MAP4K3: variants seen among roughly 807,000 people sequenced by gnomAD.
MAP4K3 encodes MAPK/ERK kinase kinase kinase 3.
In MAP4K3, 94 loss-of-function variants were observed where a neutral mutation model predicts 143.5. The ratio of observed to expected loss-of-function variants is 0.65; its 90% CI spans 0.55 to 0.78. The LOEUF is 0.78. Among genes scored for constraint, MAP4K3 ranks in the 30% least tolerant of loss-of-function variants. MAP4K3 has a pLI of 0.00. For missense variants in MAP4K3, 1,077 were observed against 1,068.1 expected (o/e 1.01, Z -0.12); for synonymous variants, 416 against 347.2 (o/e 1.20, Z -2.20).
intron 1 of MAP4K3, among the ~76,000 whole-genome samples, chr2:39,398,907 G>C (rs1666881706): frequency 6.6e-6 from 1 of 151,390 alleles, no homozygotes; most frequent in Non-Finnish European, 1.5e-5. Context: ...AGCCAGGTGT[G>C]GTGGTGCACA....
In MAP4K3 at chr2:39,287,806, T is replaced by C. The variant is rs77079698; in HGVS notation, c.1474+315A>G. On this transcript the variant is annotated intron_variant, in intron 20 of 33. Coordinates refer to ENST00000263881, the MANE Select transcript of MAP4K3 (RefSeq NM_003618.4). ...GAAGTAACCTAGACGCAAAACACAT[T>C]TTCCATGTTTGTTCATAGTTTAATT... Among the ~76,000 whole-genome samples the C allele has an allele frequency of 4.0e-4, 61 of 152,332 alleles. 1 individual carries two copies. The East Asian group carries it at 0.012, about 29-fold the overall frequency.
chr2:39,280,493 A>T, intron 22 of MAP4K3, 137 bp from the exon 23 acceptor site: 1 of 427,330 alleles, frequency 2.3e-6, no homozygotes, highest in Non-Finnish European at 4.2e-6. Flanking sequence ...AAATTTACAG[A>T]AGTAAGTGTA....
At chr2:39,257,421 C>T (rs1308508810) in intron 31 of MAP4K3, among the ~76,000 whole-genome samples, 1 of 152,114 alleles carries the variant, frequency 6.6e-6, no homozygotes, top group Non-Finnish European at 1.5e-5. Flanking sequence ...ATCTGGTATA[C>T]TGAGTACTAA....
At chr2:39,270,366 CA>C (rs1343343792) in intron 26 of MAP4K3, among the ~76,000 whole-genome samples, 3 of 152,160 alleles carry the variant, frequency 2.0e-5, no homozygotes, top group Non-Finnish European at 4.4e-5. Flanking sequence ...ATTTTACCAG[CA>C]CCCAATTAAC....
chr2:39,309,388 T>G, intron 14 of MAP4K3, 73 bp downstream of exon 14: 2 of 1,163,018 alleles, frequency 1.7e-6, no homozygotes, highest in Non-Finnish European at 2.5e-6. Flanking sequence ...TTTTGGTCAG[T>G]ACTAATACAT....
intron 14 of MAP4K3, among the ~76,000 whole-genome samples, chr2:39,309,240 T>G (rs1682850315): frequency 6.6e-6 from 1 of 152,126 alleles, no homozygotes; most frequent in Non-Finnish European, 1.5e-5. Flanking sequence ...CCTCCTGCCG[T>G]AGCCACCCCA....
rs1467735237 is a variant in MAP4K3 at position 39,385,553 on chromosome 2, TATATATATATATA to T, written c.97-7443_97-7431del. Among the ~76,000 whole-genome samples the T allele has an allele frequency of 6.1e-4, 4 of 6,606 alleles. No individual in the cohort carries two copies. The Non-Finnish European group carries it at 0.01, about 17-fold the overall frequency. 4.3% of individuals were successfully genotyped at this position (6,606 alleles called of 152,430 possible). ...CTTACTGAGTTATGAGCGTTCTTCA[TATATATATATATA>T]TATATATATATATATATATATATAT... On this transcript the variant is annotated intron_variant, in intron 1 of 33. Coordinates refer to ENST00000263881, the MANE Select transcript of MAP4K3 (RefSeq NM_003618.4).
At chr2:39,306,032 G>T (rs907331172) in intron 15 of MAP4K3, among the ~76,000 whole-genome samples, 4 of 151,026 alleles carry the variant, frequency 2.6e-5, no homozygotes, top group Admixed American at 2.6e-4. Flanking sequence ...GTTTCACCAT[G>T]TTGGCCAGGA....
At chr2:39,391,392 A>G (rs1315745389) in intron 1 of MAP4K3, among the ~76,000 whole-genome samples, 1 of 150,978 alleles carries the variant, frequency 6.6e-6, no homozygotes, top group Non-Finnish European at 1.5e-5. Context: ...GAAAGAAAGA[A>G]AGAATATATA....
rs561845052 is a variant in MAP4K3 at position 39,364,084 on chromosome 2, C to T, written c.155-7745G>A. Among the ~76,000 whole-genome samples the T allele has an allele frequency of 8.6e-5, 13 of 151,210 alleles. No individual in the cohort carries two copies. The East Asian group carries it at 2.5e-3, about 29-fold the overall frequency. The stretch of plus-strand genomic sequence containing the variant: ...TTGATGGGAATGTAAAATGGTGTAG[C>T]CACTATGGAAAACAGTACAGAAGTT... On this transcript the variant is annotated intron_variant, in intron 2 of 33. Coordinates refer to ENST00000263881, the MANE Select transcript of MAP4K3 (RefSeq NM_003618.4).
chr2:39,316,795 G>A (rs1393053757), intron 12 of MAP4K3, among the ~76,000 whole-genome samples: 1 of 152,054 alleles, frequency 6.6e-6, no homozygotes, highest in Non-Finnish European at 1.5e-5. Flanking sequence ...TTCTAAAATA[G>A]CTCATCTGAA....
intron 1 of MAP4K3, among the ~76,000 whole-genome samples, chr2:39,380,709 A>G (rs1367615772): frequency 2.0e-5 from 3 of 152,164 alleles, no homozygotes; most frequent in Admixed American, 6.5e-5. Flanking sequence ...TTCTTGACTT[A>G]TAACTCTGCA....
chr2:39,360,660 T>A (rs1665741685), intron 2 of MAP4K3, among the ~76,000 whole-genome samples: 1 of 152,100 alleles, frequency 6.6e-6, no homozygotes, highest in South Asian at 2.1e-4. Flanking sequence ...GTGGCATGGC[T>A]GGGGAGGGCT....
intron 1 of MAP4K3, among the ~76,000 whole-genome samples, chr2:39,392,925 G>A (rs905184042): frequency 2.0e-5 from 3 of 152,086 alleles, no homozygotes; most frequent in Non-Finnish European, 4.4e-5. Flanking sequence ...ATAAATCTTT[G>A]ATCTTTATAA....
At chr2:39,307,204 G>C (rs1280949868) in intron 15 of MAP4K3, among the ~76,000 whole-genome samples, 1 of 152,164 alleles carries the variant, frequency 6.6e-6, no homozygotes, top group South Asian at 2.1e-4. Context: ...GAGTAAATAT[G>C]GGGGTAACTT....
At chr2:39,255,656 T>C (rs190216913) in intron 31 of MAP4K3, among the ~76,000 whole-genome samples, 10 of 152,222 alleles carry the variant, frequency 6.6e-5, no homozygotes, top group Admixed American at 2.0e-4. Context: ...TTCTTATTCT[T>C]GGTCTTTGGC....
intron 13 of MAP4K3, among the ~76,000 whole-genome samples, chr2:39,313,837 T>C (rs955055963): frequency 2.0e-5 from 3 of 152,072 alleles, no homozygotes; most frequent in African/African-American, 4.8e-5. Flanking sequence ...TGAAATAGCA[T>C]ACACATGCAT....
intron 2 of MAP4K3, among the ~76,000 whole-genome samples, chr2:39,372,968 T>G (rs116792383): frequency 6.6e-6 from 1 of 152,024 alleles, no homozygotes; most frequent in Non-Finnish European, 1.5e-5. Flanking sequence ...AGCTTCTGCA[T>G]AGCAAAACAA....
chr2:39,277,531 C>A (rs1010465552), intron 24 of MAP4K3, among the ~76,000 whole-genome samples: 1 of 152,096 alleles, frequency 6.6e-6, no homozygotes, highest in Non-Finnish European at 1.5e-5. Context: ...GTCCTGTTAA[C>A]CTGTCTTCAG....
Sources: allele counts gnomAD v4.1 joint callset (sites outside exome capture counted in the v4.1 genomes callset), GRCh38; gene constraint gnomAD v4.1.1; transcripts MANE v1.5; gene names NCBI Gene and HGNC (gene_info 2026-07-23, HGNC 2026-07-21).